Variants in MARCHF5 observed in about 807,000 individuals in gnomAD.
The protein encoded by MARCHF5 is membrane associated ring-CH-type finger 5.
A neutral mutation model predicts 36.5 loss-of-function variants in MARCHF5; 5 were observed. The observed-to-expected ratio is 0.14, with a 90% CI of 0.07 to 0.29. The LOEUF (loss-of-function observed/expected upper bound fraction) is 0.29, where lower values mean the gene tolerates loss of function less well. MARCHF5 is among the 10% of genes least tolerant of loss of function. The pLI is 1.00. For synonymous variants in MARCHF5, 103 were observed against 109.9 expected, an observed-to-expected ratio of 0.94 and a Z score of 0.39; for missense variants, 179 against 336.3, an observed-to-expected ratio of 0.53 and a Z score of 3.66.
At chr10:92,297,386 T>G (rs1378029814) in intron 1 of MARCHF5, among the ~76,000 whole-genome samples, 2 of 151,430 alleles carry the variant, frequency 1.3e-5, no homozygotes, top group Non-Finnish European at 2.9e-5. Flanking sequence ...CCCAGGCTGG[T>G]CTCAAACTCC....
rs1449022895 is a variant in MARCHF5 at position 92,291,512 on chromosome 10, A to T, written c.18A>T (p.Leu6=). 1 of 1,547,422 alleles carries T rather than the reference A, an allele frequency of 6.5e-7. No homozygotes were observed. Among genetic ancestry groups the T allele is most frequent in the African/African-American group, 1.4e-5 (1 of 72,374 alleles). The part of the protein sequence containing the change: MPDQA[L]QQMLDRSCWV... Reference sequence around the variant, plus strand: ...CGCGGAAGATGCCGGACCAAGCCCTACAGCAGATGCTGGACAGGTACGGGC... The same window carrying T: ...CGCGGAAGATGCCGGACCAAGCCCTTCAGCAGATGCTGGACAGGTACGGGC... The change falls in exon 1 of 6, where the codon CTA becomes CTT. Residue 6 remains leucine, a synonymous_variant. Transcript: ENST00000358935.
At chr10:92,340,865 G>C in intron 3 of MARCHF5, 62 bp downstream of exon 3, 1 of 1,329,390 alleles carries the variant, frequency 7.5e-7, no homozygotes, top group Non-Finnish European at 1.0e-6. Context: ...AACATTTTTT[G>C]TTAGACATTT....
chr10:92,349,629 T>G, intron 4 of MARCHF5, 42 bp from the exon 5 acceptor site: 1 of 1,602,848 alleles, frequency 6.2e-7, no homozygotes, highest in South Asian at 1.1e-5. Flanking sequence ...GTCTAACTCT[T>G]CTGATTTATT....
intron 2 of MARCHF5, among the ~76,000 whole-genome samples, chr10:92,338,188 CA>C (rs951504652): frequency 2.6e-4 from 38 of 148,244 alleles, no homozygotes; most frequent in Admixed American, 1.7e-3. Context: ...GACCCTGTCT[CA>C]AAAAAAAAAT....
intron 3 of MARCHF5, among the ~76,000 whole-genome samples, chr10:92,345,090 C>T (rs977661492): frequency 6.6e-6 from 1 of 151,950 alleles, no homozygotes; most frequent in African/African-American, 2.4e-5. Context: ...GCCTAGTTCC[C>T]ATTTTTGCCT....
At chr10:92,297,971 G>T (rs1384585792) in intron 1 of MARCHF5, among the ~76,000 whole-genome samples, 1 of 152,166 alleles carries the variant, frequency 6.6e-6, no homozygotes, top group Non-Finnish European at 1.5e-5. Flanking sequence ...ACCGAGGCAG[G>T]CCAATCACTT....
chr10:92,349,995 A>G (rs1222176751), intron 5 of MARCHF5, 158 bp downstream of exon 5: 1 of 620,030 alleles, frequency 1.6e-6, no homozygotes, highest in Admixed American at 3.2e-5. Context: ...GAGTGGAAAT[A>G]AAAAGAGGAG....
At chr10:92,333,524 G>T in intron 2 of MARCHF5, 1 of 430,744 alleles carries the variant, frequency 2.3e-6, no homozygotes, top group Non-Finnish European at 3.1e-6. Flanking sequence ...GGAGTTTTCA[G>T]TCTAAGATGA....
In MARCHF5 at chr10:92,349,449, A is replaced by G. The variant is rs765165369; in HGVS notation, c.470A>G (p.Lys157Arg). The change falls in exon 4 of 6, where the codon AAG becomes AGG. Residue 157 changes from lysine to arginine, a missense_variant. By Grantham distance (26) the Lys-to-Arg change is conservative (BLOSUM62 2). This residue lies in a region of MARCHF5 where 66 missense variants were observed against 180.5 expected (regional missense o/e 0.37). Coordinates refer to ENST00000358935, the MANE Select transcript of MARCHF5 (RefSeq NM_017824.5). ...ATTCCTGTCATGCTGATATTAGGCA[A>G]GATGATTCGCTGGGAGGACTATGTG... ...PTIPVMLILG[K>R]MIRWEDYVLR... 1.9e-5 allele frequency: 30 copies of G among 1,614,174 alleles called. No homozygotes were observed. The highest frequency in any genetic ancestry group is 2.4e-5 in the Non-Finnish European group (28 of 1,180,026).
chr10:92,334,004 A>G (rs1266894089), intron 2 of MARCHF5, among the ~76,000 whole-genome samples: 3 of 152,176 alleles, frequency 2.0e-5, no homozygotes, highest in African/African-American at 7.2e-5. Context: ...AGCCTGGGTG[A>G]CATGGCAAAA....
At chr10:92,315,424 T>C (rs1018202838) in intron 2 of MARCHF5, among the ~76,000 whole-genome samples, 7 of 152,254 alleles carry the variant, frequency 4.6e-5, no homozygotes, top group African/African-American at 2.4e-5. Flanking sequence ...TGAATCTGTT[T>C]TGTTAAAAGA....
At chr10:92,292,542 G>T (rs1019353173) in intron 1 of MARCHF5, among the ~76,000 whole-genome samples, 10 of 152,266 alleles carry the variant, frequency 6.6e-5, no homozygotes, top group African/African-American at 2.4e-4. Context: ...TTTTGGGCCT[G>T]CCACACCCAG....
chr10:92,341,411 C>T (rs907309153), intron 3 of MARCHF5, among the ~76,000 whole-genome samples: 18 of 151,742 alleles, frequency 1.2e-4, no homozygotes, highest in African/African-American at 4.4e-4. Context: ...TCAAAAAAAA[C>T]AGTGCTACAT....
rs983849549 is a variant in MARCHF5, at chr10:92,352,477, T to A, written c.*1270T>A. 6.6e-6 allele frequency: 1 copy of A among 152,216 alleles called. No individual in the cohort carries two copies. The highest frequency in any genetic ancestry group is 1.9e-4 in the East Asian group (1 of 5,204). 9.4% of individuals were successfully genotyped at this position (152,216 alleles called of 1,614,324 possible). Reference sequence around the variant, plus strand: ...ATTATTGAAGCCATTTTCAATAGATTGGCCATTTTAATGTTCAGCAACCTG... The same window carrying A: ...ATTATTGAAGCCATTTTCAATAGATAGGCCATTTTAATGTTCAGCAACCTG... On this transcript the variant is annotated 3_prime_UTR_variant, in exon 6 of 6. Transcript: ENST00000358935.
At position 92,346,057 on chromosome 10, in the gene MARCHF5, A is replaced by G. The variant is rs139463225; in HGVS notation, c.370-3292A>G. 3.1e-3 allele frequency among the ~76,000 whole-genome samples: 466 copies of G among 152,184 alleles called. 4 individuals are homozygous for G. The highest frequency in any genetic ancestry group is 0.01 in the African/African-American group (435 of 41,538). The stretch of plus-strand genomic sequence containing the variant: ...TATATAATTCCTGGAGCTTACCCCA[A>G]AATCGAAGTCTTAAAAATAATGTTT... On this transcript the variant is annotated intron_variant, in intron 3 of 5. Coordinates refer to ENST00000358935, the MANE Select transcript of MARCHF5 (RefSeq NM_017824.5).
chr10:92,328,776 T>C (rs1038993452), intron 2 of MARCHF5, among the ~76,000 whole-genome samples: 1 of 149,842 alleles, frequency 6.7e-6, no homozygotes, highest in Non-Finnish European at 1.5e-5. Context: ...TGTAAACTGG[T>C]GTTTAGATCT....
intron 1 of MARCHF5, among the ~76,000 whole-genome samples, chr10:92,297,276 C>T (rs1249720972): frequency 6.6e-6 from 1 of 151,450 alleles, no homozygotes; most frequent in Non-Finnish European, 1.5e-5. Context: ...AAGTGATCCT[C>T]CCACCTCAGC....
At chr10:92,347,908 C>T (rs1370505941) in intron 3 of MARCHF5, among the ~76,000 whole-genome samples, 2 of 152,168 alleles carry the variant, frequency 1.3e-5, no homozygotes, top group East Asian at 1.9e-4. Context: ...TGGGGCCGGG[C>T]GCAGTGGCTC....
intron 2 of MARCHF5, among the ~76,000 whole-genome samples, chr10:92,326,375 C>A (rs1031972476): frequency 1.4e-4 from 21 of 152,002 alleles, no homozygotes; most frequent in African/African-American, 5.1e-4. Context: ...GTAGACTCAG[C>A]AAATTTATGT....
Sources: gnomAD v4.1 joint callset for allele counts (sites outside exome capture counted in the v4.1 genomes callset) on GRCh38, gnomAD v4.1.1 for gene constraint, gnomAD v4.1.1 regional missense constraint, MANE v1.5 for transcripts, NCBI Gene and HGNC (gene_info 2026-07-23, HGNC 2026-07-21) for gene names.